Variants in PRSS58 observed in about 807,000 individuals in gnomAD.
PRSS58 encodes protease, serine 58.
Under a neutral mutation model 25.0 loss-of-function variants are expected in PRSS58, and 31 were observed. The observed-to-expected ratio is 1.24, with a 90% CI of 0.93 to 1.67. The LOEUF (loss-of-function observed/expected upper bound fraction) is 1.67. PRSS58 is among the 40% of genes most tolerant of loss of function. PRSS58 has a pLI of 0.00. For synonymous variants in PRSS58, 119 were observed against 106.1 expected, an observed-to-expected ratio of 1.12 and a Z score of -0.75; for missense variants, 324 against 287.9, an observed-to-expected ratio of 1.13 and a Z score of -0.91.
intron 4 of PRSS58, among the ~76,000 whole-genome samples, chr7:142,254,535 T>G (rs1798521341): frequency 6.6e-6 from 1 of 152,210 alleles, no homozygotes; most frequent in Non-Finnish European, 1.5e-5. Context: ...CAGTTTAAAA[T>G]GTTTATTTCA....
intron 4 of PRSS58, among the ~76,000 whole-genome samples, chr7:142,254,112 G>A (rs1037390134): frequency 2.6e-5 from 4 of 152,026 alleles, no homozygotes; most frequent in African/African-American, 9.7e-5. Flanking sequence ...TCATACTATG[G>A]TATCTAGTGT....
chr7:142,252,557 T>G lies in PRSS58; in HGVS notation c.491A>C (p.Gln164Pro), dbSNP rs1798486604. Residue 164 changes from glutamine to proline, a missense_variant, in exon 5 of 6, where the codon CAG becomes CCG. By Grantham distance (76) the Gln-to-Pro change is moderately conservative. Coordinates refer to ENST00000547058, the MANE Select transcript of PRSS58 (RefSeq NM_001001317.5). The stretch of plus-strand genomic sequence containing the variant: ...GTAGGTTTTATAGGCATCGCGACAC[T>G]GAGGCTTGGAGATTACAGAGATGTT... Reference protein sequence around the residue: ...TVNISVISKPQCRDAYKTYNI... With the variant: ...TVNISVISKPPCRDAYKTYNI... 2 of 1,614,182 alleles carry G rather than the reference T, an allele frequency of 1.2e-6. No individual in the cohort carries two copies. Among genetic ancestry groups the G allele is most frequent in the Non-Finnish European group, 1.7e-6 (2 of 1,180,002 alleles).
chr7:142,255,310 T>A lies in PRSS58; in HGVS notation c.181A>T (p.Lys61Ter). The change falls in exon 4 of 6, where the codon AAG becomes TAG. Residue 61 changes from lysine (K) to a stop codon, truncating the protein, a stop_gained and splice_region_variant. Transcript: ENST00000547058. LOFTEE classifies it high-confidence loss of function. Reference sequence around the variant, plus strand: ...GTAACCCCCAATATCACCCGAAGCTTTCTGGAACAATATAGACGTTTATGA... The same window carrying A: ...GTAACCCCCAATATCACCCGAAGCTATCTGGAACAATATAGACGTTTATGA... ...VITAAHCNLPKLRVILGVTIP... is the reference protein window; with the variant it reads ...VITAAHCNLP 1 of 1,613,432 alleles carries A rather than the reference T, an allele frequency of 6.2e-7. No homozygotes were observed. The highest frequency in any genetic ancestry group is 8.5e-7 in the Non-Finnish European group (1 of 1,179,472).
chr7:142,254,966 G>C, intron 4 of PRSS58, 89 bp downstream of exon 4: 1 of 1,289,460 alleles, frequency 7.8e-7, no homozygotes, highest in Non-Finnish European at 1.1e-6. Context: ...TTAGAAGAAA[G>C]CTTCACTAGG....
At chr7:142,256,471 GTTGT>G (rs1352529620) in intron 2 of PRSS58, among the ~76,000 whole-genome samples, 1 of 152,050 alleles carries the variant, frequency 6.6e-6, no homozygotes, top group Non-Finnish European at 1.5e-5. Context: ...GTATTTGTTT[GTTGT>G]TTGTTTGAGA....
rs950203006 is a variant in PRSS58 at position 142,258,035 on chromosome 7, T to C, written c.-86A>G. 3.1e-5 allele frequency: 8 copies of C among 256,264 alleles called. No individual in the cohort carries two copies. The highest frequency in any genetic ancestry group is 5.2e-5 in the Admixed American group (1 of 19,102). The allele number at this position is 256,264 out of a possible 1,614,324, so 15.9% of individuals were successfully genotyped here. ...ATGATATCTCTACAGACGCCTCCTG[T>C]CTGGTCTCCTTTTTGCCAGCCTTGG... On this transcript the variant is annotated 5_prime_UTR_variant, in exon 1 of 6. Coordinates refer to ENST00000547058, the MANE Select transcript of PRSS58 (RefSeq NM_001001317.5).
rs1028075968 is a variant in PRSS58, at chr7:142,255,549, T to C, written c.165A>G (p.Ala55=). 2.5e-6 allele frequency: 4 copies of C among 1,614,064 alleles called. No individual in the cohort carries two copies. Among genetic ancestry groups the C allele is most frequent in the Admixed American group, 1.7e-5 (1 of 59,992 alleles). Residue 55 remains alanine (A), a synonymous_variant, in exon 3 of 6, where the codon GCA becomes GCG. Transcript: ENST00000547058. ...LIHPLWVITA[A]HCNLPKLRVI... ...TTATCACTCACGGTAAATTGCAGTG[T>C]GCAGCTGTGATCACCCAAAGCGGGT...
rs1052406 is a variant in PRSS58 at position 142,252,290 on chromosome 7, A to C, written c.657T>G (p.Ala219=). ...AAATTTTGGCATAGATGCCAACATC[A>C]GCTCTCAAAACACATCCATCCGCAA... is the stretch of plus-strand genomic sequence containing the variant. ...LSFADGCVLR[A]DVGIYAKIFY... is the part of the protein sequence containing the mutation. Residue 219 remains alanine (A), a synonymous_variant, in exon 6 of 6, where the codon GCT becomes GCG. Coordinates refer to ENST00000547058, the MANE Select transcript of PRSS58 (RefSeq NM_001001317.5). The C allele has an allele frequency of 6.2e-7, 1 of 1,613,810 alleles. No individual in the cohort carries two copies.
At chr7:142,255,785 C>A in intron 2 of PRSS58, 112 bp from the exon 3 acceptor site, 1 of 833,960 alleles carries the variant, frequency 1.2e-6, no homozygotes, top group Non-Finnish European at 1.8e-6. Flanking sequence ...TCTCTAGCAA[C>A]TTTATCTGTA....
chr7:142,254,850 T>A (rs1423529449), intron 4 of PRSS58, among the ~76,000 whole-genome samples: 3 of 151,352 alleles, frequency 2.0e-5, no homozygotes, highest in South Asian at 2.1e-4. Context: ...CTATCATATA[T>A]GAAAGAGAAA....
At chr7:142,255,707 ATTTCTC>A in intron 2 of PRSS58, 34 bp from the exon 3 acceptor site, 1 of 1,559,078 alleles carries the variant, frequency 6.4e-7, no homozygotes, top group Non-Finnish European at 8.7e-7. Flanking sequence ...AAATTCCAAG[ATTTCTC>A]AGTCATCACC....
chr7:142,256,687 T>C (rs570690246), intron 2 of PRSS58, among the ~76,000 whole-genome samples: 1 of 152,282 alleles, frequency 6.6e-6, no homozygotes, highest in South Asian at 2.1e-4. Flanking sequence ...TCTCAAACTC[T>C]TGGGCTCAAG....
At chr7:142,257,858 T>C (rs1349103777) in intron 1 of PRSS58, 110 bp from the exon 2 acceptor site, 10 of 673,384 alleles carry the variant, frequency 1.5e-5, no homozygotes, top group Non-Finnish European at 2.4e-5. Context: ...AGAAATGGTG[T>C]CCATTATTCA....
intron 4 of PRSS58, among the ~76,000 whole-genome samples, chr7:142,253,554 A>G (rs2226959): frequency 0.7 from 106,942 of 152,076 alleles, 38,280 homozygotes; most frequent in East Asian, 0.99. Context: ...TTCCACGGAC[A>G]TTTCTTTGGG....
At chr7:142,255,362 A>T in intron 3 of PRSS58, 51 bp from the exon 4 acceptor site, 1 of 1,595,584 alleles carries the variant, frequency 6.3e-7, no homozygotes, top group Non-Finnish European at 8.6e-7. Context: ...TGGCTTCTCC[A>T]TCATTATGAG....
Position 142,255,655 on chromosome 7 carries a change from G to C in PRSS58, c.59C>G (p.Pro20Arg). ...GGGAGTGGAGCTGACTGTGTAATCT[G>C]GATTAAAGGCCAAAGCAACTGGAAA... Reference protein sequence around the residue: ...LNLTVALAFNPDYTVSSTPPY... With the variant: ...LNLTVALAFNRDYTVSSTPPY... The change falls in exon 3 of 6, where the codon CCA (proline) becomes CGA (arginine). Residue 20 changes from proline to arginine, a missense_variant. Coordinates refer to ENST00000547058, the MANE Select transcript of PRSS58 (RefSeq NM_001001317.5). The C allele has an allele frequency of 6.2e-7, 1 of 1,609,888 alleles. No homozygotes were observed. Among genetic ancestry groups the C allele is most frequent in the Non-Finnish European group, 8.5e-7 (1 of 1,177,770 alleles).
chr7:142,254,621 ATAT>A (rs1798522260), intron 4 of PRSS58, among the ~76,000 whole-genome samples: 1 of 152,134 alleles, frequency 6.6e-6, no homozygotes, highest in African/African-American at 2.4e-5. Flanking sequence ...ATTTAGTAAA[ATAT>A]TATATATTTA....
chr7:142,254,231 C>T (rs1798516482), intron 4 of PRSS58, among the ~76,000 whole-genome samples: 2 of 152,118 alleles, frequency 1.3e-5, no homozygotes, highest in African/African-American at 4.8e-5. Context: ...GTAATCAACT[C>T]CCTTTCACCA....
chr7:142,252,176 A>G lies in PRSS58; in HGVS notation c.*45T>C, dbSNP rs1228954060. On this transcript the variant is annotated 3_prime_UTR_variant, in exon 6 of 6. Coordinates refer to ENST00000547058, the MANE Select transcript of PRSS58 (RefSeq NM_001001317.5). ...TAATTTATATTTAATTCTAAAGGTGAACGATGGGGACAAGCTGTGTCATAT... is the reference window on the plus strand; with the variant it reads ...TAATTTATATTTAATTCTAAAGGTGGACGATGGGGACAAGCTGTGTCATAT... The G allele has an allele frequency of 1.9e-6, 3 of 1,555,514 alleles. No individual in the cohort carries two copies. The South Asian group carries it at 3.6e-5, about 19-fold the overall frequency.
Sources: allele counts gnomAD v4.1 joint callset (sites outside exome capture counted in the v4.1 genomes callset), GRCh38; gene constraint gnomAD v4.1.1; transcripts MANE v1.5; gene names NCBI Gene and HGNC (gene_info 2026-07-23, HGNC 2026-07-21).